FRMPD1: variants seen among roughly 807,000 people sequenced by gnomAD.
The protein encoded by FRMPD1 is FERM and PDZ domain-containing protein 1.
Under a neutral mutation model 117.8 loss-of-function variants are expected in FRMPD1, and 76 were observed. The ratio of observed to expected loss-of-function variants is 0.65; its 90% CI spans 0.54 to 0.78. The LOEUF (loss-of-function observed/expected upper bound fraction) is 0.78, where lower values mean the gene tolerates loss of function less well. Ranked by LOEUF, FRMPD1 falls within the 30% of genes least tolerant of loss-of-function variation. The pLI, the probability that FRMPD1 is intolerant of heterozygous loss-of-function variation, is 0.00. For missense variants in FRMPD1, 1,786 were observed against 1,964.5 expected (o/e 0.91, Z 1.72); for synonymous variants, 783 against 770.4 (o/e 1.02, Z -0.27).
chr9:37,715,555 A>G (rs1823081882), intron 5 of FRMPD1: 1 of 438,290 alleles, frequency 2.3e-6, no homozygotes, highest in Non-Finnish European at 4.6e-6. Context: ...AAGAGATTTT[A>G]TCAGCTGAGG....
At chr9:37,717,331 A>ATGTGTGTGTGTG (rs1157491514) in intron 5 of FRMPD1, among the ~76,000 whole-genome samples, 2 of 108,548 alleles carry the variant, frequency 1.8e-5, no homozygotes, top group African/African-American at 6.6e-5. Context: ...GTGTGTGTGT[A>ATGTGTGTGTGTG]TGTGTATATA....
chr9:37,672,770 A>G (rs10114847), intron 1 of FRMPD1, among the ~76,000 whole-genome samples: 25,224 of 151,924 alleles, frequency 0.17, 2,943 homozygotes, highest in East Asian at 0.47. Context: ...GGCAGGAGGC[A>G]AGAACCAAGA....
Position 37,733,794 on chromosome 9 carries a change from A to T in FRMPD1, c.1187A>T (p.Tyr396Phe), listed in dbSNP as rs199872242. 8 of 1,596,716 alleles carry T rather than the reference A, an allele frequency of 5.0e-6. No individual in the cohort carries two copies. The South Asian group carries it at 6.6e-5, about 13-fold the overall frequency. ...YLQILGELKT[Y>F]GGRIFNATLM... ...CAGATCCTCGGAGAACTCAAGACATATGGTGGAAGAATCTTTAATGCTACT... is the reference window on the plus strand; with the variant it reads ...CAGATCCTCGGAGAACTCAAGACATTTGGTGGAAGAATCTTTAATGCTACT... The change falls in exon 12 of 16, where the codon TAT (tyrosine) becomes TTT (phenylalanine). Residue 396 changes from tyrosine to phenylalanine, a missense_variant. Tyr to Phe is a conservative substitution (Grantham distance 22, BLOSUM62 3). Coordinates refer to ENST00000377765, the MANE Select transcript of FRMPD1 (RefSeq NM_014907.3).
At chr9:37,732,266 G>C in intron 9 of FRMPD1, 38 bp from the exon 10 acceptor site, 1 of 1,608,510 alleles carries the variant, frequency 6.2e-7, no homozygotes, top group Non-Finnish European at 8.5e-7. Context: ...CAGTATGTCT[G>C]CTTTTGTTTC....
chr9:37,671,144 G>T (rs1173926437), intron 1 of FRMPD1, among the ~76,000 whole-genome samples: 1 of 152,080 alleles, frequency 6.6e-6, no homozygotes, highest in African/African-American at 2.4e-5. Context: ...AACACCTAAA[G>T]GCTATTGAAC....
the FRMPD1 span, among the ~76,000 whole-genome samples, chr9:37,607,587 A>G: frequency 6.6e-6 from 1 of 152,204 alleles, no homozygotes; most frequent in Non-Finnish European, 1.5e-5. Context: ...GACCTTAGTC[A>G]TCTATTTGTT....
At chr9:37,708,844 G>C (rs184130915) in intron 4 of FRMPD1, among the ~76,000 whole-genome samples, 1 of 152,166 alleles carries the variant, frequency 6.6e-6, no homozygotes, top group African/African-American at 2.4e-5. Flanking sequence ...TAGGCACGTT[G>C]TAACATATGC....
At chr9:37,677,735 C>T (rs1260006539) in intron 1 of FRMPD1, among the ~76,000 whole-genome samples, 1 of 152,206 alleles carries the variant, frequency 6.6e-6, no homozygotes, top group Non-Finnish European at 1.5e-5. Flanking sequence ...AATACCATGA[C>T]GTGACCACCA....
the FRMPD1 span, among the ~76,000 whole-genome samples, chr9:37,621,383 A>G: frequency 6.6e-6 from 1 of 152,322 alleles, no homozygotes; most frequent in South Asian, 2.1e-4. Flanking sequence ...TTGCACCGTC[A>G]TCCTCACCAA....
At chr9:37,730,223 C>T (rs1321288646) in intron 8 of FRMPD1, among the ~76,000 whole-genome samples, 1 of 152,212 alleles carries the variant, frequency 6.6e-6, no homozygotes, top group Non-Finnish European at 1.5e-5. Flanking sequence ...GCATTTGTTG[C>T]TGTGTCTAAG....
the FRMPD1 span, among the ~76,000 whole-genome samples, chr9:37,615,742 G>A: frequency 7.2e-5 from 11 of 152,048 alleles, no homozygotes; most frequent in South Asian, 2.3e-3. Context: ...CAAACTAGAT[G>A]AAACCTCAGT....
chr9:37,693,805 G>T (rs1822230130), intron 2 of FRMPD1, among the ~76,000 whole-genome samples: 1 of 152,106 alleles, frequency 6.6e-6, no homozygotes, highest in Non-Finnish European at 1.5e-5. Flanking sequence ...TTGGACCTGG[G>T]CTCCTGGGCC....
At chr9:37,638,124 A>G in the FRMPD1 span, among the ~76,000 whole-genome samples, 1 of 148,334 alleles carries the variant, frequency 6.7e-6, no homozygotes, top group African/African-American at 2.5e-5. Flanking sequence ...CCCAGCCTGG[A>G]GTGCACTGGC....
chr9:37,650,439 G>A (rs922714107), upstream of FRMPD1, among the ~76,000 whole-genome samples: 4 of 152,154 alleles, frequency 2.6e-5, no homozygotes, highest in Non-Finnish European at 4.4e-5. Context: ...TACAGAGACA[G>A]GGGAGGTGGT....
In FRMPD1 at chr9:37,740,066, C is replaced by G. The variant is rs1563961198; in HGVS notation, c.1550-12C>G. 6.4e-7 allele frequency: 1 copy of G among 1,566,388 alleles called. No individual in the cohort carries two copies. The highest frequency in any genetic ancestry group is 1.8e-5 in the Admixed American group (1 of 55,026). ...TTCTGTTGTGTAACTGTTGCTGTAC[C>G]CTGTGTTGCAGGCTATGAATCCAGG... On this transcript the variant is annotated splice_polypyrimidine_tract_variant and intron_variant, in intron 14 of 15. Coordinates refer to ENST00000377765, the MANE Select transcript of FRMPD1 (RefSeq NM_014907.3). This position sits in a 1 kb window ranked among gnomAD's most constrained non-coding sequence, Gnocchi z 4.2.
the FRMPD1 span, among the ~76,000 whole-genome samples, chr9:37,644,382 G>T: frequency 6.6e-6 from 1 of 152,176 alleles, no homozygotes; most frequent in Non-Finnish European, 1.5e-5. Context: ...TCTTGCAATG[G>T]TGGACGGTGT....
At chr9:37,741,811 A>ATGC (rs1824436071) in intron 15 of FRMPD1, among the ~76,000 whole-genome samples, 1 of 151,976 alleles carries the variant, frequency 6.6e-6, no homozygotes, top group Non-Finnish European at 1.5e-5. Context: ...GCCTTTGCAC[A>ATGC]TGCTGCTCTT....
intron 1 of FRMPD1, among the ~76,000 whole-genome samples, chr9:37,691,832 G>A (rs774944022): frequency 6.6e-6 from 1 of 152,140 alleles, no homozygotes; most frequent in African/African-American, 2.4e-5. Flanking sequence ...ACTTGAACCC[G>A]GGAGGTGGAG....
chr9:37,660,877 C>G (rs548829767), intron 1 of FRMPD1, among the ~76,000 whole-genome samples: 1 of 152,236 alleles, frequency 6.6e-6, no homozygotes, highest in East Asian at 1.9e-4. Flanking sequence ...CAGTGTTGAC[C>G]GATGAAATGA....
Sources: gnomAD v4.1 joint callset for allele counts (sites outside exome capture counted in the v4.1 genomes callset) on GRCh38, gnomAD v4.1.1 for gene constraint, Gnocchi (gnomAD v3.1) non-coding constraint, MANE v1.5 for transcripts, NCBI Gene and HGNC (gene_info 2026-07-23, HGNC 2026-07-21) for gene names.